TTC3: variants seen among roughly 807,000 people sequenced by gnomAD.
TTC3 encodes the protein tetratricopeptide repeat domain 3.
Under a neutral mutation model 249.6 loss-of-function variants are expected in TTC3, and 180 were observed. The observed-to-expected ratio is 0.72, with a 90% CI of 0.64 to 0.82. The LOEUF (loss-of-function observed/expected upper bound fraction) is 0.82. Among genes scored for constraint, TTC3 ranks in the 40% least tolerant of loss-of-function variants. The probability of loss-of-function intolerance (pLI) is 0.00; values close to 1 mark genes in which losing one functional copy is unlikely to be tolerated. For missense variants in TTC3, 2,061 were observed against 2,398.4 expected (o/e 0.86, Z 2.94); for synonymous variants, 717 against 805.0 (o/e 0.89, Z 1.85).
At chr21:37,144,481 A>G (rs752888897) in intron 20 of TTC3, 44 bp from the exon 21 acceptor site, 166 of 1,585,324 alleles carry the variant, frequency 1.0e-4, no homozygotes, top group Non-Finnish European at 1.2e-4. Context: ...GAGTGAAAAT[A>G]CCATTTTACA....
intron 36 of TTC3, among the ~76,000 whole-genome samples, chr21:37,185,083 T>C (rs1174096028): frequency 1.3e-5 from 2 of 152,130 alleles, no homozygotes; most frequent in Non-Finnish European, 2.9e-5. Flanking sequence ...ACAAAAGAAG[T>C]AAAATAATAG....
chr21:37,112,822 A>G (rs575548024), intron 11 of TTC3, among the ~76,000 whole-genome samples: 1 of 152,346 alleles, frequency 6.6e-6, no homozygotes, highest in East Asian at 1.9e-4. Flanking sequence ...ATCCAGCAAC[A>G]CATCAAAAAG....
chr21:37,079,722 C>T (rs9981136), intron 1 of TTC3, among the ~76,000 whole-genome samples: 69,338 of 151,090 alleles, frequency 0.46, 16,398 homozygotes, highest in Non-Finnish European at 0.52. Context: ...TTAGTAGAGA[C>T]GGAGTTTCAC....
chr21:37,091,268 A>G (rs764297072), intron 6 of TTC3, 25 bp from the exon 7 acceptor site: 1 of 1,600,736 alleles, frequency 6.2e-7, no homozygotes, highest in South Asian at 1.1e-5. Context: ...CCAAAGCCCC[A>G]TTCTTCATTT....
chr21:37,083,580 A>T (rs1432896218), intron 1 of TTC3: 1 of 234,080 alleles, frequency 4.3e-6, no homozygotes, highest in Non-Finnish European at 7.0e-6. Flanking sequence ...AGAAATATTG[A>T]AGGAGACTGG....
At chr21:37,163,325 T>G (rs2148065325) in intron 31 of TTC3, among the ~76,000 whole-genome samples, 1 of 152,294 alleles carries the variant, frequency 6.6e-6, no homozygotes, top group Non-Finnish European at 1.5e-5. Context: ...CTACTACATC[T>G]TTTTAGAGTG....
chr21:37,088,160 C>A, intron 3 of TTC3, 36 bp from the exon 4 acceptor site: 1 of 1,485,156 alleles, frequency 6.7e-7, no homozygotes, highest in Non-Finnish European at 9.0e-7. Flanking sequence ...AAAAATGAGG[C>A]ACAAACATTA....
At chr21:37,185,607 C>A in intron 36 of TTC3, 99 bp from the exon 37 acceptor site, 1 of 535,284 alleles carries the variant, frequency 1.9e-6, no homozygotes, top group Non-Finnish European at 3.1e-6. Flanking sequence ...ATTAAAAAAT[C>A]AAGAAATGTT....
chr21:37,125,766 G>A (rs2076994685), intron 14 of TTC3, among the ~76,000 whole-genome samples: 1 of 151,834 alleles, frequency 6.6e-6, no homozygotes, highest in South Asian at 2.1e-4. Flanking sequence ...TTACTCTCAG[G>A]CTTGTAGATT....
chr21:37,165,561 A>G lies in TTC3; in HGVS notation c.3347A>G (p.Gln1116Arg). 1 of 1,584,946 alleles carries G rather than the reference A, an allele frequency of 6.3e-7. No individual in the cohort carries two copies. The highest frequency in any genetic ancestry group is 8.6e-7 in the Non-Finnish European group (1 of 1,166,110). ...AAATTTTTTCCAAGTTACTTCTCTC[A>G]GTTTTTGGAGGAACATGGTCCCTTG... The change falls in exon 33 of 46, where the codon CAG becomes CGG. Residue 1116 changes from glutamine to arginine, a missense_variant. By Grantham distance (43) the Gln-to-Arg change is conservative. Coordinates refer to ENST00000355666, the Ensembl canonical transcript of TTC3.
intron 36 of TTC3, 63 bp from the exon 37 acceptor site, chr21:37,185,643 G>C (rs759662202): frequency 3.3e-6 from 3 of 905,056 alleles, no homozygotes; most frequent in Admixed American, 2.9e-5. Context: ...GCAATTTACT[G>C]TGTGGGGGTC....
intron 28 of TTC3, chr21:37,158,182 T>C (rs2080299795): frequency 1.0e-6 from 1 of 985,338 alleles, no homozygotes. Context: ...CTGAATTTAT[T>C]GCCATCAGTT....
At chr21:37,187,280 C>T in intron 38 of TTC3, 135 bp downstream of exon 38, 1 of 632,296 alleles carries the variant, frequency 1.6e-6, no homozygotes, top group South Asian at 2.2e-5. Context: ...ATAATATATC[C>T]TCCCTAAAAC....
intron 31 of TTC3, among the ~76,000 whole-genome samples, chr21:37,162,504 A>T (rs1343887748): frequency 2.6e-5 from 4 of 152,214 alleles, no homozygotes; most frequent in South Asian, 2.1e-4. Flanking sequence ...TTTCAATGCC[A>T]TCTGGTTGTC....
rs2073073108 is a variant in TTC3, at chr21:37,090,216, C to T, written c.427-17C>T. On this transcript the variant is annotated splice_polypyrimidine_tract_variant and intron_variant, in intron 5 of 45. Transcript: ENST00000355666. ...TGACTGAATAAGGAAAAAATATGTC[C>T]TTTTTTTATTTTTCAGAATGATTCA... 1.3e-6 allele frequency: 2 copies of T among 1,572,132 alleles called. No homozygotes were observed. The highest frequency in any genetic ancestry group is 8.7e-7 in the Non-Finnish European group (1 of 1,155,124).
At chr21:37,198,062 A>G (rs2085112288) in intron 44 of TTC3, 37 bp downstream of exon 44, 2 of 1,524,776 alleles carry the variant, frequency 1.3e-6, no homozygotes, top group Middle Eastern at 1.8e-4. Flanking sequence ...TTTAATGAAA[A>G]ACAAGAAGCA....
intron 1 of TTC3, among the ~76,000 whole-genome samples, chr21:37,079,517 G>GT (rs60361476): frequency 0.01 from 910 of 90,532 alleles, 50 homozygotes; most frequent in African/African-American, 0.012. Flanking sequence ...TTATGGTATG[G>GT]TTTTTTTTTT....
chr21:37,108,315 CA>C, intron 10 of TTC3, 76 bp from the exon 11 acceptor site: 1 of 1,196,478 alleles, frequency 8.4e-7, no homozygotes, highest in Non-Finnish European at 1.2e-6. Flanking sequence ...GGAAAATTCA[CA>C]AAGTACACAT....
rs540006597 is a variant in TTC3 at position 37,114,097 on chromosome 21, C to T, written c.900+5651C>T. On this transcript the variant is annotated intron_variant, in intron 11 of 45. Transcript: ENST00000355666. ...AACCATAAAAACCCTAGAAGAAAAC[C>T]TAGGCAATACCATTCGGGACATAGG... 3.9e-5 allele frequency among the ~76,000 whole-genome samples: 6 copies of T among 152,208 alleles called. No individual in the cohort carries two copies. The East Asian group carries it at 1.2e-3, about 29-fold the overall frequency.
Sources: gnomAD v4.1 joint callset for allele counts (sites outside exome capture counted in the v4.1 genomes callset) on GRCh38, gnomAD v4.1.1 for gene constraint, MANE v1.5 for transcripts, NCBI Gene and HGNC (gene_info 2026-07-23, HGNC 2026-07-21) for gene names.